LTBP2: variants seen among roughly 807,000 people sequenced by gnomAD.
LTBP2 encodes the protein latent-transforming growth factor beta-binding protein 2.
In LTBP2, 103 loss-of-function variants were observed where a neutral mutation model predicts 210.6. That is an observed-to-expected ratio of 0.49 (90% confidence interval 0.42 to 0.58). LTBP2 has a LOEUF of 0.58. Among genes scored for constraint, LTBP2 ranks in the 20% least tolerant of loss-of-function variants. The pLI, the probability that LTBP2 is intolerant of heterozygous loss-of-function variation, is 0.00. For synonymous variants in LTBP2, 1,007 were observed against 1,015.0 expected (o/e 0.99, Z 0.15); for missense variants, 2,313 against 2,494.5 (o/e 0.93, Z 1.55).
At chr14:74,581,289 T>C (rs1312268804) in intron 3 of LTBP2, among the ~76,000 whole-genome samples, 2 of 152,198 alleles carry the variant, frequency 1.3e-5, no homozygotes, top group Non-Finnish European at 2.9e-5. Flanking sequence ...GAATATGTTA[T>C]ATTAAATAGC....
At chr14:74,601,748 C>CACGTTATCAT (rs1192731093) in intron 2 of LTBP2, among the ~76,000 whole-genome samples, 3 of 152,158 alleles carry the variant, frequency 2.0e-5, no homozygotes, top group Non-Finnish European at 4.4e-5. Context: ...TTAGGACAAC[C>CACGTTATCAT]ACGTTATCAT....
In LTBP2 at chr14:74,542,968, C is replaced by A. The variant is rs1370462493; in HGVS notation, c.1789+6895G>T. Reference sequence around the variant, plus strand: ...TTTTAGTAGAGAGACGGGGTTTCACCATGTTGGCCAGGATGTTCTCAAACT... The same window carrying A: ...TTTTAGTAGAGAGACGGGGTTTCACAATGTTGGCCAGGATGTTCTCAAACT... On this transcript the variant is annotated intron_variant, in intron 8 of 35. Coordinates refer to ENST00000261978, the MANE Select transcript of LTBP2 (RefSeq NM_000428.3). Among the ~76,000 whole-genome samples the A allele has an allele frequency of 2.6e-5, 4 of 151,910 alleles. No individual in the cohort carries two copies. In the East Asian group the frequency reaches 7.9e-4, roughly 30 times the overall value.
intron 8 of LTBP2, among the ~76,000 whole-genome samples, chr14:74,540,877 AAT>A (rs1209278952): frequency 3.4e-4 from 27 of 79,526 alleles, no homozygotes; most frequent in African/African-American, 1.2e-3. Context: ...TTATATATAT[AAT>A]ATATATATTA....
Position 74,506,176 on chromosome 14 carries a change from T to G in LTBP2, c.4049A>C (p.Glu1350Ala). ...GGCCCCACATACCGCCAGCATAAGC[T>G]CACACTCGTTCACATCTGCCAGGTG... ...GWDCVDVNEC[E>A]LMLAVCGAAL... The change falls in exon 28 of 36, where the codon GAG becomes GCG. Residue 1350 changes from glutamate (E) to alanine (A), a missense_variant. Glu to Ala is a moderately radical substitution (Grantham distance 107). Transcript: ENST00000261978. 6.2e-7 allele frequency: 1 copy of G among 1,613,974 alleles called. No homozygotes were observed. The highest frequency in any genetic ancestry group is 8.5e-7 in the Non-Finnish European group (1 of 1,179,988).
rs1001069141 is a variant in LTBP2, at chr14:74,522,550, A to G, written c.2659+240T>C. ...CCAGGCACAGGCCAGGATGCATGCAATGGGCTGGCTTCTGTGCTCCTGGAG... is the reference window on the plus strand; with the variant it reads ...CCAGGCACAGGCCAGGATGCATGCAGTGGGCTGGCTTCTGTGCTCCTGGAG... On this transcript the variant is annotated intron_variant, in intron 16 of 35. Coordinates refer to ENST00000261978, the MANE Select transcript of LTBP2 (RefSeq NM_000428.3). Among the ~76,000 whole-genome samples the G allele has an allele frequency of 2.6e-5, 4 of 151,940 alleles. No homozygotes were observed. The East Asian group carries it at 7.8e-4, about 30-fold the overall frequency.
At position 74,507,255 on chromosome 14, in the gene LTBP2, T is replaced by G; in HGVS notation, c.3831A>C (p.Glu1277Asp). ...CACAGCGGTAGGAGCCAGGGCTGTT[T>G]TCACACTTCCAGGTGCCACACACCG... ...GDPVCGTWKC[E>D]NSPGSYRCVL... Residue 1277 changes from glutamate to aspartate, a missense_variant, in exon 26 of 36, where the codon GAA (glutamate) becomes GAC (aspartate). Glu to Asp is a conservative substitution (Grantham distance 45). This residue lies in a region of LTBP2 where 1,867 missense variants were observed against 1,976.9 expected (regional missense o/e 0.94). Transcript: ENST00000261978. 6.2e-7 allele frequency: 1 copy of G among 1,614,186 alleles called. No homozygotes were observed. The highest frequency in any genetic ancestry group is 8.5e-7 in the Non-Finnish European group (1 of 1,180,024).
At chr14:74,559,472 T>C (rs998102729) in intron 3 of LTBP2, among the ~76,000 whole-genome samples, 10 of 152,018 alleles carry the variant, frequency 6.6e-5, no homozygotes, top group Non-Finnish European at 1.5e-4. Context: ...TATAAGGAGG[T>C]TGATAACTCC....
chr14:74,601,448 C>T (rs1375348411), intron 2 of LTBP2, among the ~76,000 whole-genome samples: 1 of 152,136 alleles, frequency 6.6e-6, no homozygotes, highest in Non-Finnish European at 1.5e-5. Context: ...CCCACCGGTG[C>T]CCCTGACCAC....
chr14:74,554,273 G>C (rs1376962094), intron 4 of LTBP2, among the ~76,000 whole-genome samples: 2 of 152,206 alleles, frequency 1.3e-5, no homozygotes, highest in African/African-American at 4.8e-5. Context: ...GCTGAGGCAG[G>C]AGGATCACTT....
Position 74,507,962 on chromosome 14 carries a change from A to G in LTBP2, c.3775+11T>C, listed in dbSNP as rs2087012400. 3 of 1,612,518 alleles carry G rather than the reference A, an allele frequency of 1.9e-6. No individual in the cohort carries two copies. Among genetic ancestry groups the G allele is most frequent in the Admixed American group, 1.7e-5 (1 of 59,992 alleles). On this transcript the variant is annotated intron_variant, in intron 25 of 35. Coordinates refer to ENST00000261978, the MANE Select transcript of LTBP2 (RefSeq NM_000428.3). ...GGGCAGAGCCCTGTGCCCTCCCCCC[A>G]GAGCCCTTACCCACACACTCTCCAC...
At chr14:74,579,418 C>T (rs974384122) in intron 3 of LTBP2, among the ~76,000 whole-genome samples, 2 of 152,234 alleles carry the variant, frequency 1.3e-5, no homozygotes, top group African/African-American at 2.4e-5. Flanking sequence ...AGCACTGCCA[C>T]GGGAAACCCG....
chr14:74,546,694 T>C (rs932482081), intron 8 of LTBP2, among the ~76,000 whole-genome samples: 1 of 152,192 alleles, frequency 6.6e-6, no homozygotes, highest in Non-Finnish European at 1.5e-5. Context: ...ATTCGTGTTC[T>C]GCACGCACCT....
At chr14:74,601,967 A>C (rs922148733) in intron 2 of LTBP2, among the ~76,000 whole-genome samples, 1 of 152,174 alleles carries the variant, frequency 6.6e-6, no homozygotes, top group African/African-American at 2.4e-5. Flanking sequence ...AGTCACCTGA[A>C]GGATAGTCAG....
intron 3 of LTBP2, among the ~76,000 whole-genome samples, chr14:74,580,428 G>A (rs1475833876): frequency 6.6e-6 from 1 of 152,182 alleles, no homozygotes; most frequent in African/African-American, 2.4e-5. Context: ...GAGACACACA[G>A]ACACACACAA....
rs530799397 is a variant in LTBP2, at chr14:74,506,546, G to A, written c.4033+152C>T. 38 of 1,276,264 alleles carry A rather than the reference G, an allele frequency of 3.0e-5. No individual in the cohort carries two copies. The East Asian group carries it at 7.4e-4, about 25-fold the overall frequency. 79.1% of individuals were successfully genotyped at this position (1,276,264 alleles called of 1,614,324 possible). ...CCGCCCGGCCCATGTGCCCCTGGGC[G>A]AGGAGTTGAAGTCTCCCTCTTCTTT... is the stretch of plus-strand genomic sequence containing the variant. On this transcript the variant is annotated intron_variant, in intron 27 of 35. Transcript: ENST00000261978.
intron 3 of LTBP2, among the ~76,000 whole-genome samples, chr14:74,573,745 T>C (rs938080497): frequency 7.2e-5 from 11 of 152,220 alleles, no homozygotes; most frequent in Non-Finnish European, 1.3e-4. Context: ...CCTTTCCTGC[T>C]GGAACTCTAA....
At chr14:74,608,788 G>A (rs1425443262) in intron 1 of LTBP2, among the ~76,000 whole-genome samples, 1 of 151,480 alleles carries the variant, frequency 6.6e-6, no homozygotes, top group Non-Finnish European at 1.5e-5. Context: ...CCTGTAGACT[G>A]TAAATTTCAT....
chr14:74,580,858 C>T (rs919837631), intron 3 of LTBP2, among the ~76,000 whole-genome samples: 34 of 152,210 alleles, frequency 2.2e-4, no homozygotes, highest in African/African-American at 7.0e-4. Flanking sequence ...ACTTGGGAGG[C>T]TGAGATGGGA....
At chr14:74,555,080 G>A (rs10136102) in intron 4 of LTBP2, among the ~76,000 whole-genome samples, 12,394 of 151,578 alleles carry the variant, frequency 0.082, 639 homozygotes, top group African/African-American at 0.15. Context: ...GTGCCATGGC[G>A]TGAATCCACA....
Sources: allele counts gnomAD v4.1 joint callset (sites outside exome capture counted in the v4.1 genomes callset), GRCh38; gene constraint gnomAD v4.1.1; regional missense constraint gnomAD v4.1.1; transcripts MANE v1.5; gene names NCBI Gene and HGNC (gene_info 2026-07-23, HGNC 2026-07-21).